The following CNGB3 variants were observed in gnomAD, a reference collection of about 807,000 sequenced individuals.
CNGB3 encodes the protein cyclic nucleotide gated channel subunit beta 3.
In CNGB3, 86 loss-of-function variants were observed where a neutral mutation model predicts 92.8. The ratio of observed to expected loss-of-function variants is 0.93; its 90% CI spans 0.78 to 1.11. CNGB3 has a LOEUF of 1.11. CNGB3 is among the 50% of genes least tolerant of loss of function. The probability of loss-of-function intolerance (pLI) is 0.00; values close to 1 mark genes in which losing one functional copy is unlikely to be tolerated. For synonymous variants in CNGB3, 333 were observed against 332.7 expected, an observed-to-expected ratio of 1.00 and a Z score of -0.01; for missense variants, 1,026 against 956.8, an observed-to-expected ratio of 1.07 and a Z score of -0.95.
chr8:86,654,193 C>T, intron 6 of CNGB3, 131 bp from the exon 7 acceptor site: 1 of 690,242 alleles, frequency 1.4e-6, no homozygotes, highest in African/African-American at 1.8e-5. Flanking sequence ...TCCATATTCC[C>T]AGGTATTAAA....
chr8:86,686,029 A>G (rs1254681754), intron 3 of CNGB3, among the ~76,000 whole-genome samples: 1 of 152,118 alleles, frequency 6.6e-6, no homozygotes, highest in Non-Finnish European at 1.5e-5. Flanking sequence ...AAACCATGGG[A>G]AAACACTTTG....
chr8:86,706,579 T>C (rs868184885), intron 3 of CNGB3, among the ~76,000 whole-genome samples: 5 of 152,336 alleles, frequency 3.3e-5, no homozygotes, highest in Middle Eastern at 3.4e-3. Flanking sequence ...TTGCCCTGAA[T>C]AGAAGGCTTG....
intron 3 of CNGB3, among the ~76,000 whole-genome samples, chr8:86,710,214 T>C (rs1824725289): frequency 6.6e-6 from 1 of 152,254 alleles, no homozygotes; most frequent in African/African-American, 2.4e-5. Context: ...ATAGTATTTG[T>C]GCTGCTTCTT....
intron 6 of CNGB3, chr8:86,659,261 C>T (rs559137640): frequency 1.5e-5 from 12 of 785,278 alleles, no homozygotes; most frequent in Non-Finnish European, 2.3e-5. Context: ...CTTTCTCCAT[C>T]TGTAGCTGTT....
At chr8:86,629,211 T>C (rs1822912131) in intron 11 of CNGB3, 133 bp from the exon 12 acceptor site, 1 of 1,100,726 alleles carries the variant, frequency 9.1e-7, no homozygotes. Context: ...CATTCATTTT[T>C]ATTTTATTTA....
At chr8:86,712,230 G>A (rs1478091108) in intron 3 of CNGB3, among the ~76,000 whole-genome samples, 1 of 151,978 alleles carries the variant, frequency 6.6e-6, no homozygotes, top group African/African-American at 2.4e-5. Context: ...TTCATATCTG[G>A]ATACTTTGCT....
chr8:86,627,692 G>A (rs754232190), intron 12 of CNGB3, among the ~76,000 whole-genome samples: 6 of 152,168 alleles, frequency 3.9e-5, no homozygotes, highest in Non-Finnish European at 8.8e-5. Flanking sequence ...ATTTTTAACT[G>A]CAGTAGTATA....
At chr8:86,660,774 G>T in intron 6 of CNGB3, 1 of 519,544 alleles carries the variant, frequency 1.9e-6, no homozygotes, top group South Asian at 1.4e-5. Context: ...ACAAATGGAG[G>T]ATAAAATGGA....
At chr8:86,715,283 A>G (rs554143570) in intron 3 of CNGB3, among the ~76,000 whole-genome samples, 1 of 152,294 alleles carries the variant, frequency 6.6e-6, no homozygotes, top group South Asian at 2.1e-4. Flanking sequence ...AGACCTGCAC[A>G]GAGTCCACTT....
intron 15 of CNGB3, among the ~76,000 whole-genome samples, chr8:86,591,604 A>T (rs1315329164): frequency 6.6e-6 from 1 of 152,050 alleles, no homozygotes; most frequent in Non-Finnish European, 1.5e-5. Flanking sequence ...CTGCCGTGTG[A>T]GGTGTCAGTG....
rs773875783 is a variant in CNGB3 at position 86,575,777 on chromosome 8, A to G, written c.*27T>C. 13 of 1,586,452 alleles carry G rather than the reference A, an allele frequency of 8.2e-6. No homozygotes were observed. The highest frequency in any genetic ancestry group is 1.0e-5 in the Non-Finnish European group (12 of 1,155,052). On this transcript the variant is annotated 3_prime_UTR_variant, in exon 18 of 18. Coordinates refer to ENST00000320005, the MANE Select transcript of CNGB3 (RefSeq NM_019098.5). ...GGTACAATCACTTTGGGAACTAGCT[A>G]TATCACATCTAAAGATAATCAAACA...
intron 9 of CNGB3, among the ~76,000 whole-genome samples, chr8:86,644,108 C>T (rs1430016659): frequency 6.6e-6 from 1 of 151,140 alleles, no homozygotes; most frequent in African/African-American, 2.4e-5. Context: ...AACTTCCTCT[C>T]TTTTCACAGA....
At chr8:86,593,268 G>C (rs964044570) in intron 15 of CNGB3, among the ~76,000 whole-genome samples, 2 of 152,164 alleles carry the variant, frequency 1.3e-5, no homozygotes, top group Non-Finnish European at 2.9e-5. Context: ...GGAAAGAGGA[G>C]AAAAAGGATA....
In CNGB3 at chr8:86,618,662, T is replaced by G. The variant is rs571957989; in HGVS notation, c.1579-6991A>C. ...GAGTTCATTTAGATTATAAACTCAC[T>G]ATTCAAAATATTTTTTAAAAGTCTA... On this transcript the variant is annotated intron_variant, in intron 13 of 17. Coordinates refer to ENST00000320005, the MANE Select transcript of CNGB3 (RefSeq NM_019098.5). 2.5e-4 allele frequency among the ~76,000 whole-genome samples: 38 copies of G among 152,312 alleles called. No individual in the cohort carries two copies. In the South Asian group the frequency reaches 7.9e-3, roughly 32 times the overall value.
intron 13 of CNGB3, among the ~76,000 whole-genome samples, chr8:86,625,646 T>G (rs1181899583): frequency 2.0e-5 from 3 of 152,158 alleles, no homozygotes; most frequent in African/African-American, 4.8e-5. Flanking sequence ...TGATTTGTTG[T>G]GAATTGCCAA....
chr8:86,639,604 C>A (rs1242811595), intron 10 of CNGB3, among the ~76,000 whole-genome samples: 2 of 151,944 alleles, frequency 1.3e-5, no homozygotes, highest in African/African-American at 4.8e-5. Context: ...AGGACCATCA[C>A]AAGGGTTAAG....
chr8:86,731,368 A>G (rs1267675251), intron 2 of CNGB3, among the ~76,000 whole-genome samples: 1 of 152,214 alleles, frequency 6.6e-6, no homozygotes, highest in Non-Finnish European at 1.5e-5. Flanking sequence ...AGACAGCCTT[A>G]AAGTCCTATA....
At chr8:86,587,284 G>A (rs1167407311) in intron 15 of CNGB3, among the ~76,000 whole-genome samples, 1 of 151,938 alleles carries the variant, frequency 6.6e-6, no homozygotes, top group Non-Finnish European at 1.5e-5. Flanking sequence ...CCATTTTGTA[G>A]GTTGCCTGTT....
At chr8:86,711,186 T>C (rs1013472443) in intron 3 of CNGB3, among the ~76,000 whole-genome samples, 12 of 152,286 alleles carry the variant, frequency 7.9e-5, no homozygotes, top group Admixed American at 2.0e-4. Flanking sequence ...GACTTCTTGG[T>C]GCACTTAAGT....
Sources: allele counts gnomAD v4.1 joint callset (sites outside exome capture counted in the v4.1 genomes callset), GRCh38; gene constraint gnomAD v4.1.1; transcripts MANE v1.5; gene names NCBI Gene and HGNC (gene_info 2026-07-23, HGNC 2026-07-21).